The following CNTNAP2 variants were observed in gnomAD, a reference collection of about 807,000 sequenced individuals.
CNTNAP2 encodes the protein contactin-associated protein-like 2.
Under a neutral mutation model 155.2 loss-of-function variants are expected in CNTNAP2, and 98 were observed. That is an observed-to-expected ratio of 0.63 (90% confidence interval 0.54 to 0.75). The LOEUF is 0.75. Among genes scored for constraint, CNTNAP2 ranks in the 30% least tolerant of loss-of-function variants. CNTNAP2 has a pLI of 0.00. For missense variants in CNTNAP2, 1,727 were observed against 1,688.1 expected (o/e 1.02, Z -0.40); for synonymous variants, 651 against 631.2 (o/e 1.03, Z -0.47).
At chr7:146,390,731 A>G (rs1370757395) in intron 1 of CNTNAP2, among the ~76,000 whole-genome samples, 4 of 148,658 alleles carry the variant, frequency 2.7e-5, no homozygotes, top group Non-Finnish European at 5.9e-5. Context: ...TGTGCTATTC[A>G]TGAAATAAAC....
At chr7:148,304,976 G>A (rs1797462875) in intron 21 of CNTNAP2, among the ~76,000 whole-genome samples, 1 of 150,692 alleles carries the variant, frequency 6.6e-6, no homozygotes, top group Non-Finnish European at 1.5e-5. Flanking sequence ...AGTGCTTTGG[G>A]AGGCACAGGT....
At chr7:147,864,263 C>T (rs916480271) in intron 13 of CNTNAP2, among the ~76,000 whole-genome samples, 5 of 152,084 alleles carry the variant, frequency 3.3e-5, no homozygotes, top group Non-Finnish European at 7.4e-5. Context: ...TTTCTGATGC[C>T]TCTGTTCTGT....
chr7:147,891,724 G>A (rs2116732081), intron 13 of CNTNAP2, among the ~76,000 whole-genome samples: 1 of 152,004 alleles, frequency 6.6e-6, no homozygotes, highest in African/African-American at 2.4e-5. Context: ...TATAGAAATG[G>A]ATATAAGAAT....
intron 11 of CNTNAP2, among the ~76,000 whole-genome samples, chr7:147,516,848 C>CTTTTTTTTTTT (rs1221666617): frequency 9.8e-5 from 11 of 112,618 alleles, no homozygotes; most frequent in African/African-American, 3.1e-4. Context: ...TCTTTCTTTT[C>CTTTTTTTTTTT]TTTTTTTTTT....
intron 1 of CNTNAP2, among the ~76,000 whole-genome samples, chr7:146,136,693 C>T (rs1797802728): frequency 6.6e-6 from 1 of 151,726 alleles, no homozygotes; most frequent in Non-Finnish European, 1.5e-5. Context: ...CCCCTAAGAA[C>T]CTGAGTAATG....
rs140649753 is a variant in CNTNAP2, at chr7:146,369,451, C to T, written c.97+252478C>T. ...TTAAAGTGCATTCTTTGTCCCTTAACCTATGATACGGGCATTCTTTATTTT... is the reference window on the plus strand; with the variant it reads ...TTAAAGTGCATTCTTTGTCCCTTAATCTATGATACGGGCATTCTTTATTTT... On this transcript the variant is annotated intron_variant, in intron 1 of 23. Transcript: ENST00000361727. Among the ~76,000 whole-genome samples, 450 of 152,238 alleles carry T rather than the reference C, an allele frequency of 3.0e-3. 2 individuals carry two copies. Among genetic ancestry groups the T allele is most frequent in the African/African-American group, 7.2e-3 (301 of 41,546 alleles).
At chr7:147,738,933 G>A (rs1034937269) in intron 13 of CNTNAP2, among the ~76,000 whole-genome samples, 2 of 152,094 alleles carry the variant, frequency 1.3e-5, no homozygotes, top group African/African-American at 4.8e-5. Flanking sequence ...GGAATTACAG[G>A]TGTGAGCCAC....
chr7:146,261,850 G>A (rs1406168584), intron 1 of CNTNAP2, among the ~76,000 whole-genome samples: 1 of 152,032 alleles, frequency 6.6e-6, no homozygotes, highest in Admixed American at 6.5e-5. Context: ...TTCATAGAAG[G>A]TTTTGAATAT....
At chr7:147,888,387 T>C (rs1799633454) in intron 13 of CNTNAP2, among the ~76,000 whole-genome samples, 2 of 152,106 alleles carry the variant, frequency 1.3e-5, no homozygotes, top group African/African-American at 4.8e-5. Flanking sequence ...AAATAGATTC[T>C]GAAGAAATTT....
At chr7:148,298,976 C>A (rs1399840963) in intron 21 of CNTNAP2, among the ~76,000 whole-genome samples, 3 of 151,918 alleles carry the variant, frequency 2.0e-5, no homozygotes. Flanking sequence ...AGTCATGGCA[C>A]CTGGCCAACT....
chr7:147,354,636 T>C lies in CNTNAP2; in HGVS notation c.1499-40973T>C, dbSNP rs373518716. 6.1e-4 allele frequency among the ~76,000 whole-genome samples: 93 copies of C among 152,272 alleles called. 2 individuals are homozygous for C. Among genetic ancestry groups the C allele is most frequent in the African/African-American group, 2.2e-3 (90 of 41,576 alleles). On this transcript the variant is annotated intron_variant, in intron 9 of 23. Transcript: ENST00000361727. ...CTACATGGGCTCTTTTTTGGTTCCA[T>C]ATGAAATTTAAAGTAGTTTTTTCTA...
At chr7:146,132,324 T>C (rs1228204340) in intron 1 of CNTNAP2, among the ~76,000 whole-genome samples, 1 of 152,230 alleles carries the variant, frequency 6.6e-6, no homozygotes. Context: ...GCAATTCTCA[T>C]ATGCTAATAT....
chr7:146,835,982 A>G (rs1428748331), intron 2 of CNTNAP2, among the ~76,000 whole-genome samples: 1 of 152,184 alleles, frequency 6.6e-6, no homozygotes, highest in Non-Finnish European at 1.5e-5. Flanking sequence ...CCATGAAGGT[A>G]TACCATCTAC....
At chr7:147,549,234 G>T (rs1171155979) in intron 11 of CNTNAP2, among the ~76,000 whole-genome samples, 5 of 152,096 alleles carry the variant, frequency 3.3e-5, no homozygotes, top group African/African-American at 1.2e-4. Context: ...TCTCCGTGAG[G>T]ATGAAATGTT....
At chr7:146,409,417 A>G (rs1428193604) in intron 1 of CNTNAP2, among the ~76,000 whole-genome samples, 1 of 152,242 alleles carries the variant, frequency 6.6e-6, no homozygotes, top group Non-Finnish European at 1.5e-5. Flanking sequence ...AAGATACATT[A>G]GAAATGTTTA....
intron 8 of CNTNAP2, among the ~76,000 whole-genome samples, chr7:147,184,053 C>T (rs904030789): frequency 1.3e-5 from 2 of 151,892 alleles, no homozygotes; most frequent in Non-Finnish European, 2.9e-5. Flanking sequence ...ATTTAATTAC[C>T]CATTAAAAAT....
chr7:147,839,955 C>CACACACACACAT (rs771240317), intron 13 of CNTNAP2, among the ~76,000 whole-genome samples: 50 of 150,892 alleles, frequency 3.3e-4, no homozygotes, highest in African/African-American at 1.0e-3. Flanking sequence ...CACACACACA[C>CACACACACACAT]ATATATATAC....
chr7:147,575,529 G>GTGTGTGTA (rs1484500407), intron 12 of CNTNAP2, among the ~76,000 whole-genome samples: 43 of 150,498 alleles, frequency 2.9e-4, no homozygotes, highest in African/African-American at 8.9e-4. Context: ...GTGTGTGTGT[G>GTGTGTGTA]TGTGTGTATG....
chr7:146,713,860 C>T (rs892497806), intron 1 of CNTNAP2, among the ~76,000 whole-genome samples: 4 of 152,098 alleles, frequency 2.6e-5, no homozygotes, highest in African/African-American at 9.7e-5. Context: ...TTTATGTCAT[C>T]ACCTCCTGTT....
Sources: allele counts gnomAD v4.1 joint callset (sites outside exome capture counted in the v4.1 genomes callset), GRCh38; gene constraint gnomAD v4.1.1; transcripts MANE v1.5; gene names NCBI Gene and HGNC (gene_info 2026-07-23, HGNC 2026-07-21).